ELL2: variants seen among roughly 807,000 people sequenced by gnomAD.
ELL2 encodes RNA polymerase II elongation factor ELL2.
ELL2 carries 21 observed loss-of-function variants against 72.8 expected under a neutral mutation model. The observed-to-expected ratio is 0.29, with a 90% CI of 0.20 to 0.42. ELL2 has a LOEUF of 0.42. Ranked by LOEUF, ELL2 falls within the 10% of genes least tolerant of loss-of-function variation. The probability of loss-of-function intolerance (pLI) is 1.00; values close to 1 mark genes in which losing one functional copy is unlikely to be tolerated. For synonymous variants in ELL2, 266 were observed against 283.2 expected (o/e 0.94, Z 0.61); for missense variants, 568 against 772.8 (o/e 0.73, Z 3.14).
rs764449278 is a variant in ELL2, at chr5:95,906,599, G to A, written c.665C>T (p.Pro222Leu). 8 of 1,614,026 alleles carry A rather than the reference G, an allele frequency of 5.0e-6. No homozygotes were observed. The highest frequency in any genetic ancestry group is 3.3e-5 in the South Asian group (3 of 91,070). Residue 222 changes from proline (P) to leucine (L), a missense_variant, in exon 5 of 12, where the codon CCG (proline) becomes CTG (leucine). Around this residue, in one of 2 missense-constraint regions of ELL2, gnomAD observed 511 missense variants for 728.4 expected, o/e 0.70. Coordinates refer to ENST00000237853, the MANE Select transcript of ELL2 (RefSeq NM_012081.6). ...TTTCTGGAGTCTAGCAAGTAGCTCC[G>A]GTTTCTTGTAGGCCTTCAGGGCCAG... ...HLLALKAYKK[P>L]ELLARLQKDG... is the part of the protein sequence containing the mutation.
intron 4 of ELL2, 85 bp downstream of exon 4, chr5:95,913,686 T>A (rs1580498654): frequency 2.2e-6 from 3 of 1,342,848 alleles, no homozygotes; most frequent in Non-Finnish European, 2.9e-6. Context: ...GTGTTTTCAT[T>A]AAGTTAATAT....
Position 95,930,026 on chromosome 5 carries a change from G to A in ELL2, c.196-10481C>T, listed in dbSNP as rs3777181. The stretch of plus-strand genomic sequence containing the variant: ...TGGCTTCACGAAATTCCATTTGAAA[G>A]TATGACCCAACCTCTTTAAAACCAT... On this transcript the variant is annotated intron_variant, in intron 2 of 11. Coordinates refer to ENST00000237853, the MANE Select transcript of ELL2 (RefSeq NM_012081.6). 9.7e-3 allele frequency among the ~76,000 whole-genome samples: 1,482 copies of A among 152,246 alleles called. 76 individuals carry two copies. In the East Asian group the frequency reaches 0.17, roughly 17 times the overall value.
chr5:95,928,742 A>G (rs1750485797), intron 2 of ELL2, among the ~76,000 whole-genome samples: 1 of 152,188 alleles, frequency 6.6e-6, no homozygotes, highest in Non-Finnish European at 1.5e-5. Flanking sequence ...TCATCTAATC[A>G]TTCAGCTGCC....
chr5:95,892,853 G>C (rs1331865996), intron 9 of ELL2, among the ~76,000 whole-genome samples: 2 of 152,154 alleles, frequency 1.3e-5, no homozygotes, highest in African/African-American at 2.4e-5. Flanking sequence ...AATTGAGACA[G>C]TGATAGTCTG....
At chr5:95,895,546 C>T (rs1311269208) in intron 9 of ELL2, 82 bp downstream of exon 9, 2 of 1,359,604 alleles carry the variant, frequency 1.5e-6, no homozygotes, top group Non-Finnish European at 2.1e-6. Flanking sequence ...TCTTACTTTT[C>T]TGATTTGCAA....
At chr5:95,934,490 C>T (rs1346810723) in intron 2 of ELL2, among the ~76,000 whole-genome samples, 1 of 152,152 alleles carries the variant, frequency 6.6e-6, no homozygotes, top group African/African-American at 2.4e-5. Flanking sequence ...TTTACAATGC[C>T]ACTGCTCCAA....
rs768586732 is a variant in ELL2 at position 95,895,698 on chromosome 5, A to C, written c.1526-7T>G. The C allele has an allele frequency of 6.2e-7, 1 of 1,613,322 alleles. No individual in the cohort carries two copies. Among genetic ancestry groups the C allele is most frequent in the Non-Finnish European group, 8.5e-7 (1 of 1,179,422 alleles). On this transcript the variant is annotated splice_polypyrimidine_tract_variant and splice_region_variant and intron_variant, in intron 8 of 11. Transcript: ENST00000237853. Reference sequence around the variant, plus strand: ...GTGCAATCCTCTTTAACTCCTATGAAGAAAAAAAACAAAATCAGAGCATTC... The same window carrying C: ...GTGCAATCCTCTTTAACTCCTATGACGAAAAAAAACAAAATCAGAGCATTC...
chr5:95,950,904 GTATATATATATATATA>G (rs869036736), intron 1 of ELL2, among the ~76,000 whole-genome samples: 1,263 of 46,552 alleles, frequency 0.027, 45 homozygotes, highest in African/African-American at 0.077. Flanking sequence ...GTATGTATGT[GTATATATATATATATA>G]TATATATATA....
At chr5:95,915,731 A>G (rs1215730438) in intron 3 of ELL2, among the ~76,000 whole-genome samples, 2 of 152,092 alleles carry the variant, frequency 1.3e-5, no homozygotes, top group African/African-American at 2.4e-5. Context: ...GGCAAGGGGG[A>G]AGAAGAATGA....
At chr5:95,891,869 G>A (rs1384579568) in intron 9 of ELL2, among the ~76,000 whole-genome samples, 1 of 152,158 alleles carries the variant, frequency 6.6e-6, no homozygotes, top group Non-Finnish European at 1.5e-5. Flanking sequence ...ACACAAAAGG[G>A]AAATTACCAA....
intron 10 of ELL2, among the ~76,000 whole-genome samples, chr5:95,890,374 G>A (rs897895452): frequency 1.3e-5 from 2 of 152,172 alleles, no homozygotes; most frequent in Non-Finnish European, 2.9e-5. Context: ...CTGAACACTG[G>A]TAGTGGGCTG....
chr5:95,951,688 T>C (rs1202902903), intron 1 of ELL2, among the ~76,000 whole-genome samples: 1 of 152,148 alleles, frequency 6.6e-6, no homozygotes, highest in Non-Finnish European at 1.5e-5. Context: ...ACTGGGAGAC[T>C]ACTTGATCAT....
chr5:95,917,246 T>C (rs1235531640), intron 3 of ELL2, among the ~76,000 whole-genome samples: 1 of 152,240 alleles, frequency 6.6e-6, no homozygotes, highest in Non-Finnish European at 1.5e-5. Context: ...GACTGTGACA[T>C]TGATTTCATT....
intron 1 of ELL2, 108 bp downstream of exon 1, chr5:95,961,467 G>C: frequency 1.5e-6 from 2 of 1,297,904 alleles, no homozygotes; most frequent in East Asian, 3.1e-5. Context: ...GGGCGCTGAC[G>C]GTAGCAGCTG....
chr5:95,898,184 G>T (rs1748947941), intron 8 of ELL2, 56 bp downstream of exon 8: 1 of 1,340,366 alleles, frequency 7.5e-7, no homozygotes, highest in Non-Finnish European at 1.0e-6. Flanking sequence ...ATTATAAACT[G>T]TGTAATTTCA....
chr5:95,950,246 C>T (rs1347890633), intron 1 of ELL2, among the ~76,000 whole-genome samples: 2 of 152,172 alleles, frequency 1.3e-5, no homozygotes, highest in Admixed American at 6.5e-5. Flanking sequence ...TTCTTTCCCC[C>T]TATGCTATTT....
At chr5:95,918,870 C>T (rs1326366963) in intron 3 of ELL2, among the ~76,000 whole-genome samples, 5 of 141,550 alleles carry the variant, frequency 3.5e-5, no homozygotes, top group African/African-American at 8.5e-5. Context: ...TTCTTGTCTT[C>T]CTCCTCCTTT....
At chr5:95,915,599 G>C (rs1416043136) in intron 3 of ELL2, among the ~76,000 whole-genome samples, 1 of 151,984 alleles carries the variant, frequency 6.6e-6, no homozygotes, top group African/African-American at 2.4e-5. Flanking sequence ...TGACAAGGAT[G>C]GACAAACTGG....
At position 95,906,769 on chromosome 5, in the gene ELL2, T is replaced by G. The variant is rs144522408; in HGVS notation, c.495A>C (p.Gln165His). 2 of 1,611,324 alleles carry G rather than the reference T, an allele frequency of 1.2e-6. No individual in the cohort carries two copies. Among genetic ancestry groups the G allele is most frequent in the Admixed American group, 1.7e-5 (1 of 59,708 alleles). ...AAACAGCTTGAGGTGCTTTCCGAATTTGCACTCTTTTCCCTAAAGTCCAGT... is the reference window on the plus strand; with the variant it reads ...AAACAGCTTGAGGTGCTTTCCGAATGTGCACTCTTTTCCCTAAAGTCCAGT... The part of the protein sequence containing the change: ...PGGPYVGKRV[Q>H]IRKAPQAVSD... The change falls in exon 5 of 12, where the codon CAA becomes CAC. Residue 165 changes from glutamine to histidine, a missense_variant. Physicochemically the swap from Gln to His is conservative, Grantham distance 24. Transcript: ENST00000237853.
Sources: allele counts gnomAD v4.1 joint callset (sites outside exome capture counted in the v4.1 genomes callset), GRCh38; gene constraint gnomAD v4.1.1; regional missense constraint gnomAD v4.1.1; transcripts MANE v1.5; gene names NCBI Gene and HGNC (gene_info 2026-07-23, HGNC 2026-07-21).